GHR: variants seen among roughly 807,000 people sequenced by gnomAD.
The protein encoded by GHR is growth hormone receptor.
Under a neutral mutation model 67.1 loss-of-function variants are expected in GHR, and 35 were observed. That is an observed-to-expected ratio of 0.52 (90% CI 0.40 to 0.69). The LOEUF (loss-of-function observed/expected upper bound fraction) is 0.69. Among genes scored for constraint, GHR ranks in the 30% least tolerant of loss-of-function variants. GHR has a pLI of 0.00. For synonymous variants in GHR, 272 were observed against 269.1 expected (o/e 1.01, Z -0.10); for missense variants, 792 against 764.6 (o/e 1.04, Z -0.42).
chr5:42,565,947 G>A lies in GHR; in HGVS notation c.70+3G>A. ...TGATGCTTTTTCTGGAAGTGAGGGT[G>A]AGTTCTGCTTTTCCATTTCCACCCT... On this transcript the variant is annotated splice_donor_region_variant and intron_variant, in intron 2 of 9. Coordinates refer to ENST00000230882, the MANE Select transcript of GHR (RefSeq NM_000163.5). 4 of 1,614,046 alleles carry A rather than the reference G, an allele frequency of 2.5e-6. No individual in the cohort carries two copies. The highest frequency in any genetic ancestry group is 3.4e-6 in the Non-Finnish European group (4 of 1,179,918).
chr5:42,479,591 A>G (rs957614811), intron 1 of GHR, among the ~76,000 whole-genome samples: 4 of 152,114 alleles, frequency 2.6e-5, no homozygotes, highest in South Asian at 2.1e-4. Context: ...CAGAGATTCA[A>G]CTTCTTCCTG....
chr5:42,569,805 A>G (rs567435109), intron 2 of GHR, among the ~76,000 whole-genome samples: 15 of 152,280 alleles, frequency 9.9e-5, no homozygotes, highest in African/African-American at 3.6e-4. Context: ...TGTGGCTTGC[A>G]GGCAAAGCAC....
chr5:42,668,818 C>A (rs1048751172), intron 3 of GHR, among the ~76,000 whole-genome samples: 1 of 151,992 alleles, frequency 6.6e-6, no homozygotes, highest in Admixed American at 6.6e-5. Flanking sequence ...CCCAATAAGC[C>A]TGTTGTAAAT....
intron 1 of GHR, chr5:42,468,639 C>A (rs1744849662): frequency 1.9e-6 from 2 of 1,068,596 alleles, no homozygotes; most frequent in Non-Finnish European, 2.9e-6. Flanking sequence ...TTCTTGCTGT[C>A]TTTCTGGGAC....
chr5:42,691,876 C>T (rs1757437928), intron 4 of GHR, among the ~76,000 whole-genome samples: 1 of 152,244 alleles, frequency 6.6e-6, no homozygotes, highest in Admixed American at 6.5e-5. Context: ...TTGCAGGGGA[C>T]TCAGGATGAA....
In GHR at chr5:42,600,371, A is replaced by G. The variant is rs573287687; in HGVS notation, c.71-28667A>G. ...CAAAGCAGGCCCAGTGCCAGCCTCA[A>G]CTGGCTCCATAAGGAGCTCTGGCTC... On this transcript the variant is annotated intron_variant, in intron 2 of 9. Transcript: ENST00000230882. Among the ~76,000 whole-genome samples the G allele has an allele frequency of 3.3e-5, 5 of 152,342 alleles. No homozygotes were observed. In the East Asian group the frequency reaches 7.7e-4, roughly 24 times the overall value.
chr5:42,718,023 T>G, intron 8 of GHR, 29 bp from the exon 9 acceptor site: 1 of 1,316,954 alleles, frequency 7.6e-7, no homozygotes, highest in Non-Finnish European at 1.1e-6. Context: ...TTTTAAGATG[T>G]CAAAACCAAA....
At chr5:42,669,840 A>G (rs1297866467) in intron 3 of GHR, among the ~76,000 whole-genome samples, 1 of 152,216 alleles carries the variant, frequency 6.6e-6, no homozygotes, top group Non-Finnish European at 1.5e-5. Flanking sequence ...ATATCTGTTT[A>G]CTGAAAACTA....
intron 1 of GHR, among the ~76,000 whole-genome samples, chr5:42,533,409 C>A (rs559250662): frequency 2.6e-5 from 4 of 151,972 alleles, no homozygotes; most frequent in African/African-American, 9.6e-5. Context: ...TCCCTATCTG[C>A]TGATTGCATT....
chr5:42,672,070 TC>T (rs1246978804), intron 3 of GHR, among the ~76,000 whole-genome samples: 1 of 151,948 alleles, frequency 6.6e-6, no homozygotes, highest in Non-Finnish European at 1.5e-5. Flanking sequence ...CTGGAAGCGT[TC>T]CCCTTGAAGA....
At chr5:42,534,121 T>A (rs1349310378) in intron 1 of GHR, among the ~76,000 whole-genome samples, 3 of 148,108 alleles carry the variant, frequency 2.0e-5, no homozygotes, top group South Asian at 2.1e-4. Flanking sequence ...TATATATGTA[T>A]GTATATATAT....
chr5:42,535,382 C>A (rs1173030840), intron 1 of GHR, among the ~76,000 whole-genome samples: 1 of 152,130 alleles, frequency 6.6e-6, no homozygotes, highest in Admixed American at 6.6e-5. Flanking sequence ...ATGTGACTAG[C>A]CAATTATCCA....
intron 1 of GHR, chr5:42,468,680 C>T (rs1433875371): frequency 1.2e-5 from 12 of 997,880 alleles, no homozygotes; most frequent in African/African-American, 1.1e-4. Flanking sequence ...TGCCTGCCGC[C>T]TTGGAGTTGG....
chr5:42,705,174 G>A (rs1428344480), intron 6 of GHR, among the ~76,000 whole-genome samples: 3 of 151,692 alleles, frequency 2.0e-5, no homozygotes, highest in Non-Finnish European at 4.4e-5. Context: ...ATTTATTTCT[G>A]TTCTGATCTT....
chr5:42,711,214 C>T lies in GHR; in HGVS notation c.626C>T (p.Pro209Leu). The T allele has an allele frequency of 6.2e-7, 1 of 1,612,506 alleles. No homozygotes were observed. Among genetic ancestry groups the T allele is most frequent in the Non-Finnish European group, 8.5e-7 (1 of 1,178,644 alleles). Reference protein sequence around the residue: ...VNETKWKMMDPILTTSVPVYS... With the variant: ...VNETKWKMMDLILTTSVPVYS... ...TATATTTTGTCTTGAAAGATGGACC[C>T]TATATTGACAACATCAGTTCCAGTG... is the stretch of plus-strand genomic sequence containing the variant. The change falls in exon 7 of 10, where the codon CCT becomes CTT. Residue 209 changes from proline (P) to leucine (L), a missense_variant. Pro to Leu is a moderately conservative substitution (Grantham distance 98). Coordinates refer to ENST00000230882, the MANE Select transcript of GHR (RefSeq NM_000163.5).
intron 3 of GHR, among the ~76,000 whole-genome samples, chr5:42,677,658 T>C (rs1391198291): frequency 1.3e-5 from 2 of 152,196 alleles, no homozygotes; most frequent in African/African-American, 2.4e-5. Context: ...AGTAGTTCAG[T>C]ACAGCTTTGA....
chr5:42,718,906 A>C lies in GHR; in HGVS notation c.1399A>C (p.Thr467Pro), dbSNP rs755629824. 6.2e-7 allele frequency: 1 copy of C among 1,614,084 alleles called. No individual in the cohort carries two copies. Among genetic ancestry groups the C allele is most frequent in the Non-Finnish European group, 8.5e-7 (1 of 1,180,000 alleles). Residue 467 changes from threonine (T) to proline (P), a missense_variant, in exon 10 of 10, where the codon ACT becomes CCT. Transcript: ENST00000230882. The part of the protein sequence containing the change: ...QPLPTEGAES[T>P]HQAAHIQLSN... ...ACTTCCTACTGAAGGAGCTGAGTCA[A>C]CTCACCAAGCTGCCCATATTCAGCT... is the stretch of plus-strand genomic sequence containing the variant.
chr5:42,565,685 G>T, intron 1 of GHR, 179 bp from the exon 2 acceptor site: 4 of 985,320 alleles, frequency 4.1e-6, no homozygotes, highest in Non-Finnish European at 4.8e-6. Context: ...ACAACCTGCT[G>T]TTTGAGTTCA....
At chr5:42,614,558 C>CT (rs1753045506) in intron 2 of GHR, among the ~76,000 whole-genome samples, 3 of 90,520 alleles carry the variant, frequency 3.3e-5, no homozygotes, top group African/African-American at 1.6e-4. Context: ...CCATAGAGGA[C>CT]ATTTTTTTTT....
Sources: gnomAD v4.1 joint callset for allele counts (sites outside exome capture counted in the v4.1 genomes callset) on GRCh38, gnomAD v4.1.1 for gene constraint, MANE v1.5 for transcripts, NCBI Gene and HGNC (gene_info 2026-07-23, HGNC 2026-07-21) for gene names.